HPSE2: variants seen among roughly 807,000 people sequenced by gnomAD.
HPSE2 encodes heparanase 2 (inactive), also known as inactive heparanase-2.
Under a neutral mutation model 60.5 loss-of-function variants are expected in HPSE2, and 38 were observed. That is an observed-to-expected ratio of 0.63 (90% CI 0.48 to 0.82). The LOEUF is 0.82. Among genes scored for constraint, HPSE2 ranks in the 40% least tolerant of loss-of-function variants. The probability of loss-of-function intolerance (pLI) is 0.00; values close to 1 mark genes in which losing one functional copy is unlikely to be tolerated. For synonymous variants in HPSE2, 295 were observed against 293.2 expected, an observed-to-expected ratio of 1.01 and a Z score of -0.06; for missense variants, 713 against 740.4, an observed-to-expected ratio of 0.96 and a Z score of 0.43.
chr10:99,222,765 T>C (rs1849355032), intron 2 of HPSE2, among the ~76,000 whole-genome samples: 1 of 152,194 alleles, frequency 6.6e-6, no homozygotes, highest in African/African-American at 2.4e-5. Flanking sequence ...TCCTTCAACA[T>C]GTCCTAAAAT....
At position 98,934,061 on chromosome 10, in the gene HPSE2, T is replaced by C. The variant is rs755862558; in HGVS notation, c.611-190005A>G. ...CTTCGTCTTTTTTTATCTTTGTTGG[T>C]TGAAAGTCTGTTTTGTCAGAAACTA... On this transcript the variant is annotated intron_variant, in intron 3 of 11. Transcript: ENST00000370552. Among the ~76,000 whole-genome samples the C allele has an allele frequency of 8.3e-5, 12 of 143,926 alleles. 1 individual carries two copies. The highest frequency in any genetic ancestry group is 2.8e-4 in the Admixed American group (4 of 14,428). The allele number at this position is 143,926 out of a possible 152,430, so 94.4% of individuals were successfully genotyped here. A position where few individuals can be genotyped will look rare whatever the true frequency, so the allele number is the denominator to read the frequency against.
chr10:98,836,800 G>C (rs564520792), intron 3 of HPSE2, among the ~76,000 whole-genome samples: 12 of 152,262 alleles, frequency 7.9e-5, no homozygotes, highest in Non-Finnish European at 1.5e-4. Context: ...CAGCACTTTC[G>C]GAGGCCAAGG....
At chr10:99,271,991 A>G in the HPSE2 span, among the ~76,000 whole-genome samples, 12 of 152,074 alleles carry the variant, frequency 7.9e-5, no homozygotes, top group Non-Finnish European at 1.6e-4. Context: ...AGATCAACAC[A>G]CCTGGGTGCA....
In HPSE2 at chr10:99,143,155, A is replaced by G. The variant is rs554950470; in HGVS notation, c.610+1083T>C. 2.5e-3 allele frequency among the ~76,000 whole-genome samples: 385 copies of G among 152,316 alleles called. 1 individual carries two copies. Among genetic ancestry groups the G allele is most frequent in the Non-Finnish European group, 4.4e-3 (297 of 68,024 alleles). On this transcript the variant is annotated intron_variant, in intron 3 of 11. Coordinates refer to ENST00000370552, the MANE Select transcript of HPSE2 (RefSeq NM_021828.5). ...AATGACCTATCAAAGAGCAAAAAACAGGGCCTATACTTATGAAATCCATAA... is the reference window on the plus strand; with the variant it reads ...AATGACCTATCAAAGAGCAAAAAACGGGGCCTATACTTATGAAATCCATAA...
intron 3 of HPSE2, among the ~76,000 whole-genome samples, chr10:98,998,854 T>C (rs1236442909): frequency 3.3e-5 from 5 of 152,258 alleles, no homozygotes; most frequent in Non-Finnish European, 7.3e-5. Flanking sequence ...AGACACCTCC[T>C]GGATCCCAAA....
the HPSE2 span, among the ~76,000 whole-genome samples, chr10:99,260,326 T>C: frequency 6.6e-6 from 1 of 151,780 alleles, no homozygotes; most frequent in Admixed American, 6.6e-5. Flanking sequence ...CAGATGCGCG[T>C]GACATTTGGT....
At chr10:98,766,705 G>C (rs1175185924) in intron 3 of HPSE2, among the ~76,000 whole-genome samples, 1 of 152,074 alleles carries the variant, frequency 6.6e-6, no homozygotes, top group Non-Finnish European at 1.5e-5. Context: ...CAGGCAGATT[G>C]CTTGAGCTCA....
At chr10:99,049,505 T>G (rs1957940778) in intron 3 of HPSE2, among the ~76,000 whole-genome samples, 1 of 151,944 alleles carries the variant, frequency 6.6e-6, no homozygotes, top group African/African-American at 2.4e-5. Context: ...AAAGTAAACT[T>G]TTGAAAGCAA....
intron 3 of HPSE2, among the ~76,000 whole-genome samples, chr10:98,941,172 C>T (rs1163148983): frequency 1.4e-5 from 2 of 138,954 alleles, no homozygotes; most frequent in East Asian, 4.1e-4. Flanking sequence ...AAAACTGGCA[C>T]AAGACAGGGA....
chr10:98,531,443 A>G lies in HPSE2; in HGVS notation c.1321-41247T>C, dbSNP rs184101431. Among the ~76,000 whole-genome samples the G allele has an allele frequency of 4.6e-4, 70 of 152,306 alleles. 1 individual carries two copies. In the East Asian group the frequency reaches 0.013, roughly 29 times the overall value. Reference sequence around the variant, plus strand: ...TCTTCCTGGCTGCAGCCCCACATCCAAGGGTGTCTTCCAGCCATCCACACT... The same window carrying G: ...TCTTCCTGGCTGCAGCCCCACATCCGAGGGTGTCTTCCAGCCATCCACACT... On this transcript the variant is annotated intron_variant, in intron 9 of 11. Transcript: ENST00000370552.
At chr10:99,080,944 T>C (rs766447781) in intron 3 of HPSE2, among the ~76,000 whole-genome samples, 2 of 152,216 alleles carry the variant, frequency 1.3e-5, no homozygotes, top group Non-Finnish European at 2.9e-5. Context: ...GCTATGTTTC[T>C]TGAATTCTAA....
At chr10:98,587,612 CTT>C (rs1944973859) in intron 9 of HPSE2, among the ~76,000 whole-genome samples, 1 of 152,206 alleles carries the variant, frequency 6.6e-6, no homozygotes, top group Non-Finnish European at 1.5e-5. Context: ...GCTGCTAACT[CTT>C]GAGTACAATT....
intron 3 of HPSE2, among the ~76,000 whole-genome samples, chr10:99,116,930 A>T (rs1328989291): frequency 6.6e-6 from 1 of 152,058 alleles, no homozygotes; most frequent in Non-Finnish European, 1.5e-5. Context: ...CCCCAAACAG[A>T]TTCTGGTCTG....
At chr10:99,043,161 T>C (rs1388454309) in intron 3 of HPSE2, among the ~76,000 whole-genome samples, 2 of 152,060 alleles carry the variant, frequency 1.3e-5, no homozygotes, top group Non-Finnish European at 2.9e-5. Context: ...TCCCTCCAAA[T>C]AAGTTCACTA....
chr10:99,129,986 G>A (rs980489539), intron 3 of HPSE2, among the ~76,000 whole-genome samples: 3 of 151,936 alleles, frequency 2.0e-5, no homozygotes, highest in Non-Finnish European at 4.4e-5. Flanking sequence ...GATAATTCAA[G>A]GCTACCAGGA....
intron 9 of HPSE2, among the ~76,000 whole-genome samples, chr10:98,580,185 G>A (rs940336023): frequency 4.0e-5 from 6 of 151,866 alleles, no homozygotes. Context: ...ATTTATTCTT[G>A]GTTTTTAAAA....
chr10:98,960,814 G>C (rs1451159235), intron 3 of HPSE2, among the ~76,000 whole-genome samples: 4 of 135,276 alleles, frequency 3.0e-5, no homozygotes. Context: ...ATGTATACAT[G>C]TGCCATGCTG....
At chr10:98,503,177 A>G (rs1942082597) in intron 9 of HPSE2, among the ~76,000 whole-genome samples, 1 of 150,618 alleles carries the variant, frequency 6.6e-6, no homozygotes, top group Non-Finnish European at 1.5e-5. Flanking sequence ...GCGCCATTGC[A>G]CTCCAGCCTG....
chr10:99,306,172 G>C, the HPSE2 span, among the ~76,000 whole-genome samples: 1 of 152,006 alleles, frequency 6.6e-6, no homozygotes, highest in Non-Finnish European at 1.5e-5. Context: ...AGAGGAAATG[G>C]AACACCAGCA....
Sources: allele counts gnomAD v4.1 joint callset (sites outside exome capture counted in the v4.1 genomes callset), GRCh38; gene constraint gnomAD v4.1.1; transcripts MANE v1.5; gene names NCBI Gene and HGNC (gene_info 2026-07-23, HGNC 2026-07-21).